VWA8: variants seen among roughly 807,000 people sequenced by gnomAD.
The protein encoded by VWA8 is von Willebrand factor A domain containing 8.
VWA8 carries 221 observed loss-of-function variants against 241.5 expected under a neutral mutation model. The ratio of observed to expected loss-of-function variants is 0.91; its 90% CI spans 0.82 to 1.02. The LOEUF (loss-of-function observed/expected upper bound fraction) is 1.02. Ranked by LOEUF, VWA8 falls within the 50% of genes least tolerant of loss-of-function variation. The pLI is 0.00. For missense variants in VWA8, 2,322 were observed against 2,328.7 expected, an observed-to-expected ratio of 1.00 and a Z score of 0.06; for synonymous variants, 852 against 827.1, an observed-to-expected ratio of 1.03 and a Z score of -0.52.
chr13:41,568,517 C>A, intron 44 of VWA8: 1 of 458,750 alleles, frequency 2.2e-6, no homozygotes, highest in East Asian at 3.4e-5. Flanking sequence ...AAGCAGGGAA[C>A]TGAAAGAAAG....
intron 9 of VWA8, among the ~76,000 whole-genome samples, chr13:41,875,625 A>G (rs1450285801): frequency 6.6e-6 from 1 of 152,008 alleles, no homozygotes; most frequent in Non-Finnish European, 1.5e-5. Context: ...CCTATTTACC[A>G]AATTAAATAA....
rs114881703 is a variant in VWA8, at chr13:41,917,990, C to G, written c.242-5822G>C. ...CATCTGCTAAACTTTCCCCTATTTA[C>G]CATGTAACATTCTGTAGTTAGATAT... is the stretch of plus-strand genomic sequence containing the variant. On this transcript the variant is annotated intron_variant, in intron 2 of 44. Transcript: ENST00000379310. Among the ~76,000 whole-genome samples the G allele has an allele frequency of 1.7e-3, 257 of 152,264 alleles. 2 individuals carry two copies. Among genetic ancestry groups the G allele is most frequent in the African/African-American group, 5.7e-3 (236 of 41,556 alleles).
chr13:41,681,909 A>G (rs2045102303), intron 35 of VWA8, among the ~76,000 whole-genome samples: 1 of 152,190 alleles, frequency 6.6e-6, no homozygotes, highest in Admixed American at 6.5e-5. Context: ...AATTTTGTAA[A>G]TTCAAATTAA....
chr13:41,724,181 T>G (rs1049992700), intron 24 of VWA8, among the ~76,000 whole-genome samples: 3 of 152,134 alleles, frequency 2.0e-5, no homozygotes, highest in Admixed American at 6.6e-5. Context: ...ATGACCTAGA[T>G]AAGAACAGTT....
chr13:41,828,375 G>C (rs1871271733), intron 14 of VWA8, among the ~76,000 whole-genome samples: 1 of 152,104 alleles, frequency 6.6e-6, no homozygotes, highest in African/African-American at 2.4e-5. Flanking sequence ...TAAGTGATGA[G>C]GAGTTCCTCT....
chr13:41,743,862 C>A (rs2045585452), intron 21 of VWA8, among the ~76,000 whole-genome samples: 1 of 152,142 alleles, frequency 6.6e-6, no homozygotes, highest in South Asian at 2.1e-4. Flanking sequence ...AAGAGGAACT[C>A]AATAAAAGTT....
intron 2 of VWA8, among the ~76,000 whole-genome samples, chr13:41,949,672 T>TA (rs1878034118): frequency 6.6e-6 from 1 of 150,560 alleles, no homozygotes; most frequent in Admixed American, 6.6e-5. Context: ...TTATTCCAGG[T>TA]AAAAAAGAAA....
chr13:41,676,885 G>A (rs564540850), intron 35 of VWA8, among the ~76,000 whole-genome samples: 14 of 152,006 alleles, frequency 9.2e-5, no homozygotes, highest in South Asian at 4.2e-4. Context: ...TGCCTGCCTC[G>A]GTCTCCCAAA....
chr13:41,751,786 T>C (rs1190659938), intron 21 of VWA8, among the ~76,000 whole-genome samples: 1 of 152,182 alleles, frequency 6.6e-6, no homozygotes, highest in African/African-American at 2.4e-5. Flanking sequence ...TTTAATGACC[T>C]CAGTTGGTTA....
At position 41,833,461 on chromosome 13, in the gene VWA8, G is replaced by A. The variant is rs1166488020; in HGVS notation, c.1496C>T (p.Ser499Leu). 1.9e-6 allele frequency: 3 copies of A among 1,614,052 alleles called. No individual in the cohort carries two copies. The Admixed American group carries it at 5.0e-5, about 27-fold the overall frequency. ...TTCCAGAGCAGCATTCACAAGGGGTGAGGACCGCCAGGCAGTGTCTCCATT... is the reference window on the plus strand; with the variant it reads ...TTCCAGAGCAGCATTCACAAGGGGTAAGGACCGCCAGGCAGTGTCTCCATT... ...LPNGDTAWRS[S>L]PLVNAALEGK... The change falls in exon 13 of 45, where the codon TCA (serine) becomes TTA (leucine). Residue 499 changes from serine to leucine, a missense_variant. Coordinates refer to ENST00000379310, the MANE Select transcript of VWA8 (RefSeq NM_015058.2).
At chr13:41,798,520 T>A (rs951340566) in intron 17 of VWA8, among the ~76,000 whole-genome samples, 1 of 152,248 alleles carries the variant, frequency 6.6e-6, no homozygotes, top group South Asian at 2.1e-4. Flanking sequence ...AGTTGTCGGC[T>A]TGATATTTTT....
At chr13:41,571,297 T>TCCCTCTCCCTC in intron 43 of VWA8, among the ~76,000 whole-genome samples, 1 of 140,242 alleles carries the variant, frequency 7.1e-6, no homozygotes, top group South Asian at 2.3e-4. Context: ...CCCTCTCCCG[T>TCCCTCTCCCTC]CTCCCTCTCC....
At chr13:41,708,285 C>A (rs547617331) in intron 26 of VWA8, among the ~76,000 whole-genome samples, 5 of 151,892 alleles carry the variant, frequency 3.3e-5, no homozygotes, top group African/African-American at 4.8e-5. Context: ...TGCTTGAACC[C>A]GGGAGGCAGA....
At position 41,691,434 on chromosome 13, in the gene VWA8, G is replaced by C. The variant is rs2045176822; in HGVS notation, c.3752C>G (p.Thr1251Ser). ...TCGCCCTTCTAGAACATCCAGCACA[G>C]TCAGGCTGTTCCTGGAAAAGAAGAA... ...VFYKEKGNSLTVLDVLEGRTH... is the reference protein window; with the variant it reads ...VFYKEKGNSLSVLDVLEGRTH... The change falls in exon 32 of 45, where the codon ACT (threonine) becomes AGT (serine). Residue 1251 changes from threonine (T) to serine (S), a missense_variant. Transcript: ENST00000379310. 2 of 1,612,148 alleles carry C rather than the reference G, an allele frequency of 1.2e-6. No homozygotes were observed. The highest frequency in any genetic ancestry group is 1.7e-5 in the Admixed American group (1 of 59,796).
At chr13:41,572,823 A>T (rs1398505493) in intron 43 of VWA8, among the ~76,000 whole-genome samples, 1 of 145,316 alleles carries the variant, frequency 6.9e-6, no homozygotes, top group Non-Finnish European at 1.5e-5. Flanking sequence ...AAAAAAAAAG[A>T]AACAGGCCGG....
rs768899104 is a variant in VWA8, at chr13:41,587,520, TCTC to T, written c.5260_5262del (p.Glu1754del). On this transcript the variant is annotated inframe_deletion, in exon 42 of 45. Coordinates refer to ENST00000379310, the MANE Select transcript of VWA8 (RefSeq NM_015058.2). Reference sequence around the variant, plus strand: ...TTAGTTCATGTCATTACCTGGAACTTCTCCTCATAGTTCTCGAAGGCTTCCATG... The same window carrying T: ...TTAGTTCATGTCATTACCTGGAACTTCTCATAGTTCTCGAAGGCTTCCATG... 139 of 1,614,050 alleles carry T rather than the reference TCTC, an allele frequency of 8.6e-5. No homozygotes were observed. The highest frequency in any genetic ancestry group is 1.1e-4 in the Non-Finnish European group (132 of 1,180,008).
chr13:41,782,764 T>C (rs1868946334), intron 19 of VWA8, among the ~76,000 whole-genome samples: 1 of 151,964 alleles, frequency 6.6e-6, no homozygotes, highest in Non-Finnish European at 1.5e-5. Context: ...GTAGTTGTTT[T>C]ACTATAAAAG....
chr13:41,682,171 C>T (rs2045105145), intron 35 of VWA8, among the ~76,000 whole-genome samples: 1 of 152,104 alleles, frequency 6.6e-6, no homozygotes, highest in African/African-American at 2.4e-5. Context: ...AAGGGATAGA[C>T]ACATAGACCA....
intron 17 of VWA8, among the ~76,000 whole-genome samples, chr13:41,791,376 A>G (rs764138256): frequency 6.6e-6 from 1 of 151,956 alleles, no homozygotes; most frequent in Non-Finnish European, 1.5e-5. Context: ...GATTCAGTGA[A>G]TATGTATGAG....
Sources: gnomAD v4.1 joint callset for allele counts (sites outside exome capture counted in the v4.1 genomes callset) on GRCh38, gnomAD v4.1.1 for gene constraint, MANE v1.5 for transcripts, NCBI Gene and HGNC (gene_info 2026-07-23, HGNC 2026-07-21) for gene names.